The following HMGXB4 variants were observed in gnomAD, a reference collection of about 807,000 sequenced individuals.
HMGXB4 encodes HMG-box containing 4.
A neutral mutation model predicts 63.9 loss-of-function variants in HMGXB4; 27 were observed. The ratio of observed to expected loss-of-function variants is 0.42; its 90% confidence interval spans 0.31 to 0.58. The LOEUF is 0.58. HMGXB4 is among the 20% of genes least tolerant of loss of function. The pLI is 0.13. For synonymous variants in HMGXB4, 264 were observed against 265.3 expected (o/e 0.99, Z 0.05); for missense variants, 624 against 700.7 (o/e 0.89, Z 1.24).
rs1274430751 is a variant in HMGXB4 at position 35,264,996 on chromosome 22, G to A, written c.608G>A (p.Ser203Asn). 3 of 1,613,976 alleles carry A rather than the reference G, an allele frequency of 1.9e-6. No homozygotes were observed. In the African/African-American group the frequency reaches 4.0e-5, roughly 22 times the overall value. ...KLILSPKEKG[S>N]SSVDEESFQY... is the part of the protein sequence containing the mutation. ...ATTCTGTCACCAAAGGAGAAGGGAA[G>A]CAGCTCTGTTGATGAGGAGTCTTTT... The change falls in exon 5 of 11, where the codon AGC becomes AAC. Residue 203 changes from serine (S) to asparagine (N), a missense_variant. Physicochemically the swap from Ser to Asn is conservative, Grantham distance 46. Around this residue, in one of 2 missense-constraint regions of HMGXB4, gnomAD observed 472 missense variants for 470.6 expected, o/e 1.00. Coordinates refer to ENST00000216106, the MANE Select transcript of HMGXB4 (RefSeq NM_001003681.3).
chr22:35,267,735 T>C (rs1477475990), intron 5 of HMGXB4, among the ~76,000 whole-genome samples: 2 of 152,178 alleles, frequency 1.3e-5, no homozygotes, highest in Non-Finnish European at 2.9e-5. Flanking sequence ...CAAAAAGGAT[T>C]GAAAGAATTC....
At chr22:35,267,336 T>C (rs1031843796) in intron 5 of HMGXB4, among the ~76,000 whole-genome samples, 2 of 152,138 alleles carry the variant, frequency 1.3e-5, no homozygotes, top group Non-Finnish European at 2.9e-5. Flanking sequence ...ATAAACACTA[T>C]GTGTTCTTTA....
intron 9 of HMGXB4, among the ~76,000 whole-genome samples, chr22:35,291,572 A>C (rs779719604): frequency 4.6e-5 from 7 of 152,204 alleles, no homozygotes; most frequent in Non-Finnish European, 1.0e-4. Flanking sequence ...AAATAAATAT[A>C]GGGCAAAGGA....
At chr22:35,286,871 AAG>A (rs1375903530) in intron 7 of HMGXB4, 3 of 135,576 alleles carry the variant, frequency 2.2e-5, no homozygotes, top group Non-Finnish European at 5.0e-5. Context: ...AAAAAAAAAA[AAG>A]TCATATCTGA....
rs35564206 is a variant in HMGXB4 at position 35,279,677 on chromosome 22, C to CTTTTT, written c.1216-4267_1216-4263dup. Among the ~76,000 whole-genome samples the CTTTTT allele has an allele frequency of 1.6e-3, 89 of 55,156 alleles. 2 individuals are homozygous for CTTTTT. The highest frequency in any genetic ancestry group is 4.7e-3 in the African/African-American group (87 of 18,336). 36.2% of individuals were successfully genotyped at this position (55,156 alleles called of 152,430 possible). A position where few individuals can be genotyped will look rare whatever the true frequency, so the allele number is the denominator to read the frequency against. ...GGGGGTGAGGTCTGTGTCTAGATTC[C>CTTTTT]TTTTTTTTTTTTTTTTTTTTTTGGC... On this transcript the variant is annotated intron_variant, in intron 5 of 10. Transcript: ENST00000216106.
At chr22:35,262,478 A>G in intron 2 of HMGXB4, 57 bp downstream of exon 2, 1 of 1,525,738 alleles carries the variant, frequency 6.6e-7, no homozygotes, top group South Asian at 1.1e-5. Context: ...CAATCCTTGC[A>G]GCCCATGGAT....
chr22:35,278,323 C>T (rs1224379267), intron 5 of HMGXB4, among the ~76,000 whole-genome samples: 1 of 152,162 alleles, frequency 6.6e-6, no homozygotes, highest in Non-Finnish European at 1.5e-5. Context: ...CTTCCAAGTG[C>T]AGGTTTTTGT....
Position 35,265,434 on chromosome 22 carries a change from C to G in HMGXB4, c.1046C>G (p.Ser349Cys), listed in dbSNP as rs776719649. ...AAGTCCAAGAGAAGTTTAGGACTTT[C>G]TGCCGTGCCAGTGGGAGAGGTCACA... The part of the protein sequence containing the change: ...HSKSKRSLGL[S>C]AVPVGEVTVT... The change falls in exon 5 of 11, where the codon TCT (serine) becomes TGT (cysteine). Residue 349 changes from serine to cysteine, a missense_variant. By Grantham distance (112) the Ser-to-Cys change is moderately radical. This residue lies in a region of HMGXB4 where 472 missense variants were observed against 470.6 expected (regional missense o/e 1.00). Coordinates refer to ENST00000216106, the MANE Select transcript of HMGXB4 (RefSeq NM_001003681.3). 8.1e-6 allele frequency: 13 copies of G among 1,614,012 alleles called. No individual in the cohort carries two copies. The highest frequency in any genetic ancestry group is 1.1e-5 in the Non-Finnish European group (13 of 1,180,018).
At chr22:35,271,676 C>A (rs1923612906) in intron 5 of HMGXB4, among the ~76,000 whole-genome samples, 1 of 152,158 alleles carries the variant, frequency 6.6e-6, no homozygotes, top group African/African-American at 2.4e-5. Flanking sequence ...CTCGGTGTGC[C>A]AAGGCGCTCT....
At chr22:35,284,458 T>C (rs1217061201) in intron 6 of HMGXB4, among the ~76,000 whole-genome samples, 1 of 152,244 alleles carries the variant, frequency 6.6e-6, no homozygotes, top group Non-Finnish European at 1.5e-5. Flanking sequence ...TTGAAAATAC[T>C]GTAAGTCAAA....
rs572135195 is a variant in HMGXB4 at position 35,272,736 on chromosome 22, C to G, written c.1215+7133C>G. Among the ~76,000 whole-genome samples, 21 of 152,178 alleles carry G rather than the reference C, an allele frequency of 1.4e-4. No individual in the cohort carries two copies. The South Asian group carries it at 4.4e-3, about 32-fold the overall frequency. On this transcript the variant is annotated intron_variant, in intron 5 of 10. Transcript: ENST00000216106. ...GGATCATGAGGTCAGGAGTTCAAGACTAGCCTGACCAACTTGGTGAAACCC... is the reference window on the plus strand; with the variant it reads ...GGATCATGAGGTCAGGAGTTCAAGAGTAGCCTGACCAACTTGGTGAAACCC...
chr22:35,283,652 T>C (rs1488064440), intron 5 of HMGXB4, among the ~76,000 whole-genome samples: 1 of 152,006 alleles, frequency 6.6e-6, no homozygotes, highest in Non-Finnish European at 1.5e-5. Flanking sequence ...TACCCGGGTG[T>C]GGTGGCAGGC....
At chr22:35,283,941 G>A in intron 5 of HMGXB4, 21 bp from the exon 6 acceptor site, 1 of 1,583,340 alleles carries the variant, frequency 6.3e-7, no homozygotes, top group African/African-American at 1.3e-5. Flanking sequence ...TTACCCTGTT[G>A]TATCTTCTAT....
At chr22:35,252,741 C>T (rs1447459824), upstream of HMGXB4, among the ~76,000 whole-genome samples, 6 of 152,256 alleles carry the variant, frequency 3.9e-5, 1 homozygote, top group South Asian at 6.2e-4. Context: ...TAGTGGCTCA[C>T]GCCTGTAATC....
intron 5 of HMGXB4, among the ~76,000 whole-genome samples, chr22:35,266,475 T>C (rs899818117): frequency 6.6e-6 from 1 of 152,214 alleles, no homozygotes; most frequent in Non-Finnish European, 1.5e-5. Context: ...GACATAGTTG[T>C]TGACTTTAGG....
At chr22:35,277,905 T>C (rs1305771516) in intron 5 of HMGXB4, among the ~76,000 whole-genome samples, 1 of 152,114 alleles carries the variant, frequency 6.6e-6, no homozygotes, top group African/African-American at 2.4e-5. Flanking sequence ...CCCTCTTACA[T>C]TGGTATTGTC....
In HMGXB4 at chr22:35,279,118, A is replaced by T. The variant is rs117297505; in HGVS notation, c.1216-4844A>T. 1.7e-3 allele frequency among the ~76,000 whole-genome samples: 240 copies of T among 140,162 alleles called. 10 individuals are homozygous for T. In the East Asian group the frequency reaches 0.043, roughly 25 times the overall value. The allele number at this position is 140,162 out of a possible 152,430, so 92.0% of individuals were successfully genotyped here. A position where few individuals can be genotyped will look rare whatever the true frequency, so the allele number is the denominator to read the frequency against. On this transcript the variant is annotated intron_variant, in intron 5 of 10. Transcript: ENST00000216106. The stretch of plus-strand genomic sequence containing the variant: ...ATGCCCCTTGTAAATATTTTCTCAC[A>T]GTCTATGGATTGTCTTTTTTTTTTT...
chr22:35,263,720 T>C, intron 3 of HMGXB4, 76 bp from the exon 4 acceptor site: 2 of 979,248 alleles, frequency 2.0e-6, no homozygotes, highest in South Asian at 1.3e-5. Context: ...AAATCAAAAA[T>C]CATCAAAGAC....
intron 5 of HMGXB4, among the ~76,000 whole-genome samples, chr22:35,275,956 T>C (rs1923891614): frequency 6.6e-6 from 1 of 152,258 alleles, no homozygotes; most frequent in South Asian, 2.1e-4. Flanking sequence ...GCTGTAATCT[T>C]GCCATCCTGT....
Sources: allele counts gnomAD v4.1 joint callset (sites outside exome capture counted in the v4.1 genomes callset), GRCh38; gene constraint gnomAD v4.1.1; regional missense constraint gnomAD v4.1.1; transcripts MANE v1.5; gene names NCBI Gene and HGNC (gene_info 2026-07-23, HGNC 2026-07-21).